Variants in PDE4D observed in about 807,000 individuals in gnomAD.
The protein encoded by PDE4D is phosphodiesterase 4D.
PDE4D carries 24 observed loss-of-function variants against 87.4 expected under a neutral mutation model. That is an observed-to-expected ratio of 0.27 (90% confidence interval 0.20 to 0.39). PDE4D has a LOEUF of 0.39. Among genes scored for constraint, PDE4D ranks in the 10% least tolerant of loss-of-function variants. The pLI, the probability that PDE4D is intolerant of heterozygous loss-of-function variation, is 1.00. For missense variants in PDE4D, 714 were observed against 1,041.0 expected, an observed-to-expected ratio of 0.69 and a Z score of 4.32; for synonymous variants, 384 against 383.2, an observed-to-expected ratio of 1.00 and a Z score of -0.02.
chr5:59,884,008 G>T (rs747931040), intron 1 of PDE4D, among the ~76,000 whole-genome samples: 77 of 151,942 alleles, frequency 5.1e-4, no homozygotes, highest in Non-Finnish European at 1.0e-3. Context: ...TTTACAAAAG[G>T]AGAAAATACA....
At chr5:59,353,551 T>G (rs971275393) in intron 1 of PDE4D, among the ~76,000 whole-genome samples, 15 of 152,248 alleles carry the variant, frequency 9.9e-5, no homozygotes, top group African/African-American at 3.6e-4. Context: ...CCCTCAAAAT[T>G]AGTACTCATC....
intron 1 of PDE4D, among the ~76,000 whole-genome samples, chr5:59,873,919 G>T (rs1357987023): frequency 6.6e-6 from 1 of 152,122 alleles, no homozygotes; most frequent in Admixed American, 6.5e-5. Flanking sequence ...TATATAAGAA[G>T]CAAGATTTAA....
chr5:60,199,586 A>T (rs1741674953), intron 1 of PDE4D, among the ~76,000 whole-genome samples: 1 of 151,704 alleles, frequency 6.6e-6, no homozygotes, highest in African/African-American at 2.4e-5. Flanking sequence ...TCAATTTTTC[A>T]GAAGGACAAT....
At chr5:59,338,164 T>C (rs1378617216) in intron 1 of PDE4D, among the ~76,000 whole-genome samples, 1 of 152,242 alleles carries the variant, frequency 6.6e-6, no homozygotes, top group Non-Finnish European at 1.5e-5. Flanking sequence ...TGCATTCTTC[T>C]GTTATTCCAT....
intron 1 of PDE4D, among the ~76,000 whole-genome samples, chr5:60,239,791 C>T (rs1317079033): frequency 6.6e-6 from 1 of 151,998 alleles, no homozygotes; most frequent in African/African-American, 2.4e-5. Context: ...TGCTGGGTTA[C>T]ACAAAGGTGG....
intron 1 of PDE4D, chr5:59,430,382 C>G (rs1795934519): frequency 1.6e-6 from 2 of 1,231,264 alleles, no homozygotes; most frequent in Middle Eastern, 3.1e-4. Flanking sequence ...GCCACCTTCC[C>G]CAGAGTCAGG....
intron 2 of PDE4D, among the ~76,000 whole-genome samples, chr5:60,124,460 G>A (rs1299877672): frequency 8.9e-6 from 1 of 112,902 alleles, no homozygotes; most frequent in East Asian, 2.0e-4. Context: ...CTATTTCTTT[G>A]AAAAAAATAA....
intron 1 of PDE4D, chr5:60,429,891 G>C: frequency 3.4e-6 from 1 of 290,126 alleles, no homozygotes; most frequent in Non-Finnish European, 6.8e-6. Context: ...TGGTATATTT[G>C]ATGATTAGCA....
intron 1 of PDE4D, among the ~76,000 whole-genome samples, chr5:59,387,687 ATATT>A (rs1787368592): frequency 6.6e-6 from 1 of 152,120 alleles, no homozygotes; most frequent in Non-Finnish European, 1.5e-5. Flanking sequence ...AAGAATGTAT[ATATT>A]TATGATGTAA....
chr5:60,182,773 G>C (rs1354432519), intron 2 of PDE4D, among the ~76,000 whole-genome samples: 4 of 152,084 alleles, frequency 2.6e-5, no homozygotes, highest in South Asian at 4.1e-4. Flanking sequence ...CCTGCTACTC[G>C]GGAGGCTGAG....
rs890399011 is a variant in PDE4D, at chr5:60,329,130, C to T, written c.-89-143443G>A. ...TCCTGTGTTATGTAAAACTTACATG[C>T]TTTTATCCTATTAATGTGGTTTAGT... On this transcript the variant is annotated intron_variant, in intron 1 of 16. Coordinates refer to the PDE4D transcript ENST00000502484. 2.0e-5 allele frequency among the ~76,000 whole-genome samples: 3 copies of T among 152,276 alleles called. No homozygotes were observed. In the East Asian group the frequency reaches 5.8e-4, roughly 29 times the overall value.
At chr5:59,205,170 A>G (rs1476089820) in intron 2 of PDE4D, among the ~76,000 whole-genome samples, 1 of 152,154 alleles carries the variant, frequency 6.6e-6, no homozygotes, top group Non-Finnish European at 1.5e-5. Context: ...GTCCTTGTCA[A>G]AGTCAGAGTG....
intron 1 of PDE4D, among the ~76,000 whole-genome samples, chr5:59,505,225 A>G (rs2153666127): frequency 6.6e-6 from 1 of 152,298 alleles, no homozygotes; most frequent in Middle Eastern, 3.4e-3. Context: ...CCCAGAGGAG[A>G]GTACAGAACT....
In PDE4D at chr5:59,649,905, C is replaced by CTTTTTTTTTTTTTTTTTTTTTTTTTTTT. The variant is rs1156467369; in HGVS notation, c.455+243262_455+243263insAAAAAAAAAAAAAAAAAAAAAAAAAAAA. Among the ~76,000 whole-genome samples the CTTTTTTTTTTTTTTTTTTTTTTTTTTTT allele has an allele frequency of 4.0e-4, 29 of 72,442 alleles. 4 individuals carry two copies. Among genetic ancestry groups the CTTTTTTTTTTTTTTTTTTTTTTTTTTTT allele is most frequent in the Non-Finnish European group, 5.0e-4 (21 of 42,170 alleles). 47.5% of individuals were successfully genotyped at this position (72,442 alleles called of 152,430 possible). On this transcript the variant is annotated intron_variant, in intron 1 of 14. Coordinates refer to ENST00000340635, the MANE Select transcript of PDE4D (RefSeq NM_001104631.2). Reference sequence around the variant, plus strand: ...GTTAAAATGTTGATAGTTTGTGAACCTTTTTTTTTTTTTTTTTTTTTTTTT... The same window carrying CTTTTTTTTTTTTTTTTTTTTTTTTTTTT: ...GTTAAAATGTTGATAGTTTGTGAACCTTTTTTTTTTTTTTTTTTTTTTTTTTTTTTTTTTTTTTTTTTTTTTTTTTTTT...
At chr5:59,859,929 AG>A (rs1336109215) in intron 1 of PDE4D, among the ~76,000 whole-genome samples, 2 of 152,208 alleles carry the variant, frequency 1.3e-5, no homozygotes, top group African/African-American at 4.8e-5. Context: ...ATGGGTGTGC[AG>A]GGATTGTAGT....
intron 1 of PDE4D, among the ~76,000 whole-genome samples, chr5:59,777,401 C>T (rs1179169455): frequency 6.6e-6 from 1 of 152,196 alleles, no homozygotes; most frequent in African/African-American, 2.4e-5. Context: ...GACAAACTAA[C>T]AGGACAGAAA....
chr5:59,361,540 G>A (rs977745663), intron 1 of PDE4D, among the ~76,000 whole-genome samples: 19 of 152,110 alleles, frequency 1.2e-4, no homozygotes, highest in African/African-American at 4.6e-4. Context: ...AAGGAGTGGT[G>A]GATATAGGAT....
chr5:60,112,716 G>C (rs1189077100), intron 2 of PDE4D, among the ~76,000 whole-genome samples: 2 of 152,018 alleles, frequency 1.3e-5, no homozygotes, highest in African/African-American at 4.8e-5. Flanking sequence ...TCTCAGGAGG[G>C]CCATAACACC....
chr5:59,878,528 G>A (rs189362906), intron 1 of PDE4D, among the ~76,000 whole-genome samples: 3 of 152,258 alleles, frequency 2.0e-5, no homozygotes, highest in Admixed American at 2.0e-4. Flanking sequence ...GCCCAGGCTA[G>A]TCTTGAACTC....
Sources: allele counts gnomAD v4.1 joint callset (sites outside exome capture counted in the v4.1 genomes callset), GRCh38; gene constraint gnomAD v4.1.1; transcripts MANE v1.5; gene names NCBI Gene and HGNC (gene_info 2026-07-23, HGNC 2026-07-21).